Variants in ACOX2 observed in about 807,000 individuals in gnomAD.
ACOX2 encodes the protein peroxisomal acyl-coenzyme A oxidase 2.
In ACOX2, 59 loss-of-function variants were observed where a neutral mutation model predicts 77.5. The observed-to-expected ratio is 0.76, with a 90% confidence interval of 0.62 to 0.95. ACOX2 has a LOEUF of 0.95. Ranked by LOEUF, ACOX2 falls within the 40% of genes least tolerant of loss-of-function variation. The probability of loss-of-function intolerance (pLI) is 0.00; values close to 1 mark genes in which losing one functional copy is unlikely to be tolerated. For synonymous variants in ACOX2, 317 were observed against 340.1 expected (o/e 0.93, Z 0.75); for missense variants, 837 against 880.4 (o/e 0.95, Z 0.62).
Position 58,535,224 on chromosome 3 carries a change from C to A in ACOX2, c.-91-27G>T. 1 of 1,345,954 alleles carries A rather than the reference C, an allele frequency of 7.4e-7. No homozygotes were observed. The highest frequency in any genetic ancestry group is 1.3e-5 in the South Asian group (1 of 76,764). The allele number at this position is 1,345,954 out of a possible 1,614,324, so 83.4% of individuals were successfully genotyped here. ...TGTGTGCAAGAGGAACTGCCTAGGG[C>A]TGGGTGTCAGCCAGGGCTGGTTGGT... is the stretch of plus-strand genomic sequence containing the variant. On this transcript the variant is annotated intron_variant, in intron 1 of 14. Coordinates refer to ENST00000302819, the MANE Select transcript of ACOX2 (RefSeq NM_003500.4). The surrounding 1 kb of genome is among the most constrained non-coding windows in gnomAD (Gnocchi z 4.8).
At position 58,526,693 on chromosome 3, in the gene ACOX2, G is replaced by A. The variant is rs574320007; in HGVS notation, c.1156-37C>T. The A allele has an allele frequency of 9.7e-5, 156 of 1,601,972 alleles. 1 individual carries two copies. Among genetic ancestry groups the A allele is most frequent in the South Asian group, 9.0e-4 (80 of 88,762 alleles). Reference sequence around the variant, plus strand: ...TGGAGGGGGGTTGGGCGGTGTTAGGGGGCCTCCACCATAGGGACCAACCCT... The same window carrying A: ...TGGAGGGGGGTTGGGCGGTGTTAGGAGGCCTCCACCATAGGGACCAACCCT... On this transcript the variant is annotated intron_variant, in intron 9 of 14. Coordinates refer to ENST00000302819, the MANE Select transcript of ACOX2 (RefSeq NM_003500.4). The surrounding 1 kb of genome is among the most constrained non-coding windows in gnomAD (Gnocchi z 4.3).
Position 58,535,170 on chromosome 3 carries a change from G to A in ACOX2, c.-64C>T, listed in dbSNP as rs1025571206. 2 of 1,600,514 alleles carry A rather than the reference G, an allele frequency of 1.2e-6. No homozygotes were observed. Among genetic ancestry groups the A allele is most frequent in the Non-Finnish European group, 1.7e-6 (2 of 1,168,878 alleles). ...TCCAACCCGGCTGCTCCGAGGGTCT[G>A]CTCTCAGCATTGGTCAGTGCAAAGA... On this transcript the variant is annotated 5_prime_UTR_variant, in exon 2 of 15. Coordinates refer to ENST00000302819, the MANE Select transcript of ACOX2 (RefSeq NM_003500.4). This position sits in a 1 kb window ranked among gnomAD's most constrained non-coding sequence, Gnocchi z 4.8.
Position 58,531,213 on chromosome 3 carries a change from C to A in ACOX2, c.819+38G>T. On this transcript the variant is annotated intron_variant, in intron 7 of 14. Coordinates refer to ENST00000302819, the MANE Select transcript of ACOX2 (RefSeq NM_003500.4). This position sits in a 1 kb window ranked among gnomAD's most constrained non-coding sequence, Gnocchi z 5.8. ...CTGCACAAAGCGCAGGTCCCCTCTC[C>A]AGGAAGTACAAGTCCCCGGCCTCCC... 6.3e-7 allele frequency: 1 copy of A among 1,586,306 alleles called. No individual in the cohort carries two copies. The highest frequency in any genetic ancestry group is 1.1e-5 in the South Asian group (1 of 89,368).
chr3:58,533,728 C>T lies in ACOX2; in HGVS notation c.476-176G>A, dbSNP rs2063457555. The T allele has an allele frequency of 1.5e-6, 1 of 681,944 alleles. No homozygotes were observed. The highest frequency in any genetic ancestry group is 2.8e-5 in the Admixed American group (1 of 35,130). 42.2% of individuals were successfully genotyped at this position (681,944 alleles called of 1,614,324 possible). On this transcript the variant is annotated intron_variant, in intron 4 of 14. Coordinates refer to ENST00000302819, the MANE Select transcript of ACOX2 (RefSeq NM_003500.4). This position sits in a 1 kb window ranked among gnomAD's most constrained non-coding sequence, Gnocchi z 5.6. ...ATCTGTGGGCTGTGTGTGGGACACA[C>T]AGTCCCCTATAGCCAGTCCATGAGA...
chr3:58,534,164 G>A lies in ACOX2; in HGVS notation c.324-19C>T, dbSNP rs2063461872. On this transcript the variant is annotated intron_variant, in intron 3 of 14. Transcript: ENST00000302819. The surrounding 1 kb of genome is among the most constrained non-coding windows in gnomAD (Gnocchi z 4.8). ...AAGGGCTCTGTTGGGGAGAGATGCT[G>A]TAGTTGAGTAGCTTATTGGAGACAG... 1.2e-6 allele frequency: 2 copies of A among 1,613,506 alleles called. No homozygotes were observed. Among genetic ancestry groups the A allele is most frequent in the East Asian group, 4.5e-5 (2 of 44,882 alleles).
Position 58,531,949 on chromosome 3 carries a change from G to T in ACOX2, c.584-137C>A. On this transcript the variant is annotated intron_variant, in intron 5 of 14. Coordinates refer to ENST00000302819, the MANE Select transcript of ACOX2 (RefSeq NM_003500.4). This position sits in a 1 kb window ranked among gnomAD's most constrained non-coding sequence, Gnocchi z 5.8. ...AAAGTCACTGATCAAAGAGAGAGGG[G>T]ATTGCCCCCAAAGAACCAAGCAAAC... 3 of 1,320,232 alleles carry T rather than the reference G, an allele frequency of 2.3e-6. No individual in the cohort carries two copies. Among genetic ancestry groups the T allele is most frequent in the Middle Eastern group, 2.8e-4 (1 of 3,600 alleles). The allele number at this position is 1,320,232 out of a possible 1,614,324, so 81.8% of individuals were successfully genotyped here.
Position 58,533,878 on chromosome 3 carries a change from C to T in ACOX2, c.475+116G>A. 1 of 1,352,160 alleles carries T rather than the reference C, an allele frequency of 7.4e-7. No homozygotes were observed. The highest frequency in any genetic ancestry group is 1.4e-5 in the South Asian group (1 of 70,690). 83.8% of individuals were successfully genotyped at this position (1,352,160 alleles called of 1,614,324 possible). A position where few individuals can be genotyped will look rare whatever the true frequency, so the allele number is the denominator to read the frequency against. Reference sequence around the variant, plus strand: ...TGACTGCCAGCTGCTGGAATGTTTTCTTATTAAACATATGTCCCTCGGAGC... The same window carrying T: ...TGACTGCCAGCTGCTGGAATGTTTTTTTATTAAACATATGTCCCTCGGAGC... On this transcript the variant is annotated intron_variant, in intron 4 of 14. Transcript: ENST00000302819. The surrounding 1 kb of genome is among the most constrained non-coding windows in gnomAD (Gnocchi z 5.6).
rs374507495 is a variant in ACOX2, at chr3:58,526,961, C to T, written c.1156-305G>A. Reference sequence around the variant, plus strand: ...TGGGCCCACAAACCTCCAGGAGTTACGGATTTTGCTGGCCTGGGTTTTAGA... The same window carrying T: ...TGGGCCCACAAACCTCCAGGAGTTATGGATTTTGCTGGCCTGGGTTTTAGA... On this transcript the variant is annotated intron_variant, in intron 9 of 14. Transcript: ENST00000302819. The surrounding 1 kb of genome is among the most constrained non-coding windows in gnomAD (Gnocchi z 4.3). 2.9e-4 allele frequency among the ~76,000 whole-genome samples: 44 copies of T among 152,178 alleles called. No homozygotes were observed. The highest frequency in any genetic ancestry group is 1.0e-3 in the African/African-American group (42 of 41,530).
chr3:58,510,921 T>C, intron 13 of ACOX2: 1 of 455,332 alleles, frequency 2.2e-6, no homozygotes, highest in Non-Finnish European at 4.4e-6. Context: ...CGTATTACAT[T>C]GCTATATTTA....
chr3:58,519,659 G>A lies in ACOX2; in HGVS notation c.1633-2236C>T, dbSNP rs528069826. ...TCTGTGGGACTGGGAGTCTTCAGCT[G>A]GGCAGTGACCCGATCCGCTTTCTCA... is the stretch of plus-strand genomic sequence containing the variant. On this transcript the variant is annotated intron_variant, in intron 12 of 14. Coordinates refer to ENST00000302819, the MANE Select transcript of ACOX2 (RefSeq NM_003500.4). This position sits in a 1 kb window ranked among gnomAD's most constrained non-coding sequence, Gnocchi z 5.0. Among the ~76,000 whole-genome samples the A allele has an allele frequency of 6.6e-6, 1 of 152,274 alleles. No homozygotes were observed. The highest frequency in any genetic ancestry group is 2.1e-4 in the South Asian group (1 of 4,820).
intron 13 of ACOX2, among the ~76,000 whole-genome samples, chr3:58,510,459 C>G (rs1180155166): frequency 2.0e-5 from 3 of 150,544 alleles, no homozygotes; most frequent in East Asian, 1.9e-4. Flanking sequence ...ATGGCGGAAC[C>G]CTGTCTCTAC....
rs144182557 is a variant in ACOX2, at chr3:58,535,385, C to A, written c.-91-188G>T. Reference sequence around the variant, plus strand: ...TTGCTTGGTACATGTTTGTTCAATACTTGTTAGCCAAAATTGGACAGGGCC... The same window carrying A: ...TTGCTTGGTACATGTTTGTTCAATAATTGTTAGCCAAAATTGGACAGGGCC... On this transcript the variant is annotated intron_variant, in intron 1 of 14. Transcript: ENST00000302819. The surrounding 1 kb of genome is among the most constrained non-coding windows in gnomAD (Gnocchi z 4.8). 6.1e-3 allele frequency: 2,938 copies of A among 479,016 alleles called. 25 individuals carry two copies. The highest frequency in any genetic ancestry group is 7.0e-3 in the Non-Finnish European group (1,878 of 266,920). The allele number at this position is 479,016 out of a possible 1,614,324, so 29.7% of individuals were successfully genotyped here. A position where few individuals can be genotyped will look rare whatever the true frequency, so the allele number is the denominator to read the frequency against.
In ACOX2 at chr3:58,508,938, G is replaced by C; in HGVS notation, c.1938C>G (p.Tyr646Ter). ...SALGCYDGNVYERLFQWAQKS... is the reference protein window; with the variant it reads ...SALGCYDGNV ...TCTGAGCCCACTGGAACAGGCGTTC[G>C]TAGACGTTTCCATCATAACAGCCAA... The change falls in exon 14 of 15, where the codon TAC becomes TAG. Residue 646 changes from tyrosine (Y) to a stop codon, truncating the protein, a stop_gained. Coordinates refer to ENST00000302819, the MANE Select transcript of ACOX2 (RefSeq NM_003500.4). LOFTEE classifies it high-confidence loss of function. The C allele has an allele frequency of 6.2e-7, 1 of 1,614,154 alleles. No individual in the cohort carries two copies. Among genetic ancestry groups the C allele is most frequent in the Non-Finnish European group, 8.5e-7 (1 of 1,180,014 alleles).
Position 58,526,082 on chromosome 3 carries a change from C to T in ACOX2, c.1346+384G>A, listed in dbSNP as rs954859135. 1.3e-5 allele frequency among the ~76,000 whole-genome samples: 2 copies of T among 151,688 alleles called. No homozygotes were observed. Among genetic ancestry groups the T allele is most frequent in the East Asian group, 1.9e-4 (1 of 5,154 alleles). On this transcript the variant is annotated intron_variant, in intron 10 of 14. Coordinates refer to ENST00000302819, the MANE Select transcript of ACOX2 (RefSeq NM_003500.4). This position sits in a 1 kb window ranked among gnomAD's most constrained non-coding sequence, Gnocchi z 4.3. ...GGTGAGAGCAGGATGGACGGGGAGG[C>T]AGGGGTCAGGTCACATGGACCTTGC... is the stretch of plus-strand genomic sequence containing the variant.
In ACOX2 at chr3:58,524,494, TGGACACCTGGCCA is replaced by T. The variant is rs774547220; in HGVS notation, c.1445_1457del (p.Leu482GlnfsTer23). On this transcript the variant is annotated frameshift_variant, in exon 11 of 15. Transcript: ENST00000302819. LOFTEE classifies it high-confidence loss of function. This position sits in a 1 kb window ranked among gnomAD's most constrained non-coding sequence, Gnocchi z 5.5. ...AGAGGAAGTCGGCTGCCCTCTGGGC[TGGACACCTGGCCA>T]GGTCAGGTGCGGTGAGATATGCGAC... The T allele has an allele frequency of 6.2e-7, 1 of 1,614,152 alleles. No individual in the cohort carries two copies. Among genetic ancestry groups the T allele is most frequent in the African/African-American group, 1.3e-5 (1 of 75,054 alleles).
Position 58,526,324 on chromosome 3 carries a change from A to G in ACOX2, c.1346+142T>C. The G allele has an allele frequency of 1.1e-6, 1 of 937,572 alleles. No individual in the cohort carries two copies. Among genetic ancestry groups the G allele is most frequent in the African/African-American group, 1.7e-5 (1 of 59,744 alleles). 58.1% of individuals were successfully genotyped at this position (937,572 alleles called of 1,614,324 possible). A position where few individuals can be genotyped will look rare whatever the true frequency, so the allele number is the denominator to read the frequency against. On this transcript the variant is annotated intron_variant, in intron 10 of 14. Transcript: ENST00000302819. The surrounding 1 kb of genome is among the most constrained non-coding windows in gnomAD (Gnocchi z 4.3). ...TGGCCTAGAAGTGGATAGGTTAGTC[A>G]TACTGGGGAATTGGACAGCTCCCAA... is the stretch of plus-strand genomic sequence containing the variant.
In ACOX2 at chr3:58,519,275, T is replaced by C. The variant is rs892372087; in HGVS notation, c.1633-1852A>G. Among the ~76,000 whole-genome samples the C allele has an allele frequency of 6.6e-6, 1 of 151,900 alleles. No individual in the cohort carries two copies. The highest frequency in any genetic ancestry group is 2.4e-5 in the African/African-American group (1 of 41,328). ...GGTGCACACCTGTAATTCTGGCTACTCGGAAGGCTGAGGCACAAGAATTGC... is the reference window on the plus strand; with the variant it reads ...GGTGCACACCTGTAATTCTGGCTACCCGGAAGGCTGAGGCACAAGAATTGC... On this transcript the variant is annotated intron_variant, in intron 12 of 14. Coordinates refer to ENST00000302819, the MANE Select transcript of ACOX2 (RefSeq NM_003500.4). The surrounding 1 kb of genome is among the most constrained non-coding windows in gnomAD (Gnocchi z 5.0).
At position 58,533,780 on chromosome 3, in the gene ACOX2, G is replaced by A. The variant is rs1352619246; in HGVS notation, c.475+214C>T. 15 of 706,860 alleles carry A rather than the reference G, an allele frequency of 2.1e-5. No homozygotes were observed. Among genetic ancestry groups the A allele is most frequent in the South Asian group, 3.8e-5 (2 of 52,060 alleles). The allele number at this position is 706,860 out of a possible 1,614,324, so 43.8% of individuals were successfully genotyped here. ...GGGGTGGCTGCTGATGTTTCCAGAA[G>A]GAATGACTTGCCCCACTGGGAGCTC... On this transcript the variant is annotated intron_variant, in intron 4 of 14. Transcript: ENST00000302819. This position sits in a 1 kb window ranked among gnomAD's most constrained non-coding sequence, Gnocchi z 5.6.
Position 58,535,237 on chromosome 3 carries a change from A to G in ACOX2, c.-91-40T>C. ...AACTGCCTAGGGCTGGGTGTCAGCC[A>G]GGGCTGGTTGGTAGAAGAAAGACAT... On this transcript the variant is annotated intron_variant, in intron 1 of 14. Transcript: ENST00000302819. The surrounding 1 kb of genome is among the most constrained non-coding windows in gnomAD (Gnocchi z 4.8). 8.4e-7 allele frequency: 1 copy of G among 1,187,878 alleles called. No individual in the cohort carries two copies. Among genetic ancestry groups the G allele is most frequent in the Non-Finnish European group, 1.2e-6 (1 of 826,854 alleles). 73.6% of individuals were successfully genotyped at this position (1,187,878 alleles called of 1,614,324 possible).
Sources: gnomAD v4.1 joint callset for allele counts (sites outside exome capture counted in the v4.1 genomes callset) on GRCh38, gnomAD v4.1.1 for gene constraint, Gnocchi (gnomAD v3.1) non-coding constraint, MANE v1.5 for transcripts, NCBI Gene and HGNC (gene_info 2026-07-23, HGNC 2026-07-21) for gene names.